GET1: variants seen among roughly 807,000 people sequenced by gnomAD.
The protein encoded by GET1 is guided entry of tail-anchored proteins factor 1.
GET1 carries 20 observed loss-of-function variants against 22.6 expected under a neutral mutation model. The observed-to-expected ratio is 0.89, with a 90% CI of 0.62 to 1.29. The LOEUF (loss-of-function observed/expected upper bound fraction) is 1.29. Ranked by LOEUF, GET1 falls within the 50% of genes most tolerant of loss-of-function variation. The probability of loss-of-function intolerance (pLI) is 0.00; values close to 1 mark genes in which losing one functional copy is unlikely to be tolerated. For synonymous variants in GET1, 92 were observed against 83.8 expected, an observed-to-expected ratio of 1.10 and a Z score of -0.53; for missense variants, 209 against 219.9, an observed-to-expected ratio of 0.95 and a Z score of 0.31.
At chr21:39,389,833 GC>G (rs2038177032) in intron 1 of GET1, among the ~76,000 whole-genome samples, 1 of 152,140 alleles carries the variant, frequency 6.6e-6, no homozygotes, top group African/African-American at 2.4e-5. Flanking sequence ...ACCTTGCTCT[GC>G]CCCGTCTAAT....
At chr21:39,406,153 G>A in exon 5 of GET1, 1 of 1,614,222 alleles carries the variant, frequency 6.2e-7, no homozygotes. Flanking sequence ...TATTCTGGAA[G>A]ACTTACCAAA....
intron 1 of GET1, chr21:39,423,591 C>G (rs1465143811): frequency 4.4e-6 from 4 of 910,576 alleles, no homozygotes; most frequent in Non-Finnish European, 6.4e-6. Flanking sequence ...GCACACACAC[C>G]ACACACATAC....
intron 1 of GET1, among the ~76,000 whole-genome samples, chr21:39,414,730 C>CTGTGTGTGTGTGTGTGTGTGTG (rs1194589760): frequency 8.8e-6 from 1 of 113,496 alleles, no homozygotes; most frequent in African/African-American, 3.8e-5. Flanking sequence ...CTCTCTCTCT[C>CTGTGTGTGTGTGTGTGTGTGTG]TCTCTCTCTC....
chr21:39,390,411 G>A (rs1437963812), intron 1 of GET1, among the ~76,000 whole-genome samples: 1 of 152,204 alleles, frequency 6.6e-6, no homozygotes, highest in Non-Finnish European at 1.5e-5. Flanking sequence ...CCACCCGGGG[G>A]TTGGGGTATG....
At chr21:39,410,389 T>G (rs1250595051), downstream of GET1, 1 of 1,245,910 alleles carries the variant, frequency 8.0e-7, no homozygotes, top group Non-Finnish European at 1.1e-6. Context: ...GTAGATTATA[T>G]GTAAGAAACA....
At chr21:39,423,090 G>A (rs375446508) in intron 1 of GET1, 1 of 1,613,842 alleles carries the variant, frequency 6.2e-7, no homozygotes, top group African/African-American at 1.3e-5. Flanking sequence ...GTGCCTGCAA[G>A]ATATCTTTAG....
At chr21:39,405,503 G>C (rs910632815) in intron 4 of GET1, among the ~76,000 whole-genome samples, 1 of 152,098 alleles carries the variant, frequency 6.6e-6, no homozygotes, top group African/African-American at 2.4e-5. Context: ...CTGCTTCCAT[G>C]TTTTTAAGTT....
chr21:39,416,785 A>G (rs1024694173), intron 1 of GET1, among the ~76,000 whole-genome samples: 3 of 152,168 alleles, frequency 2.0e-5, no homozygotes, highest in Admixed American at 1.3e-4. Context: ...ATTACCAACT[A>G]TATCATTACT....
intron 1 of GET1, chr21:39,421,602 C>A (rs2073781088): frequency 6.6e-6 from 1 of 152,118 alleles, no homozygotes; most frequent in African/African-American, 2.4e-5. Flanking sequence ...TATTGGAGAA[C>A]TGTTAGATCT....
At chr21:39,393,052 G>GA in intron 3 of GET1, 114 bp from the exon 4 acceptor site, 1 of 805,372 alleles carries the variant, frequency 1.2e-6, no homozygotes, top group Non-Finnish European at 2.0e-6. Flanking sequence ...TAGGCTTGAG[G>GA]TGCTCAGTCT....
At chr21:39,420,185 CAT>C (rs2042044718) in intron 1 of GET1, among the ~76,000 whole-genome samples, 2 of 151,996 alleles carry the variant, frequency 1.3e-5, no homozygotes, top group South Asian at 4.1e-4. Context: ...TTTGTCTGTT[CAT>C]ATGATTGTAG....
At chr21:39,390,069 G>C (rs984937184) in intron 1 of GET1, among the ~76,000 whole-genome samples, 35 of 137,404 alleles carry the variant, frequency 2.5e-4, no homozygotes, top group Non-Finnish European at 4.6e-4. Context: ...TTTTGTGGTC[G>C]TTATAGGGAG....
At chr21:39,415,114 C>A (rs879474186) in intron 1 of GET1, among the ~76,000 whole-genome samples, 1 of 152,050 alleles carries the variant, frequency 6.6e-6, no homozygotes, top group Non-Finnish European at 1.5e-5. Flanking sequence ...GTTGCCTTGG[C>A]TGGTCTTGAC....
Position 39,397,448 on chromosome 21 carries a change from T to TC in GET1, c.*510dup. ...ACTAATTGACATTGCGTGGGCTTTT[T>TC]CTCCCTTTGTTTAAAATGTCATTTG... On this transcript the variant is annotated 3_prime_UTR_variant, in exon 5 of 5. Transcript: ENST00000649170. 1.9e-5 allele frequency: 3 copies of TC among 153,870 alleles called. 1 individual carries two copies. In the East Asian group the frequency reaches 5.8e-4, roughly 30 times the overall value. The allele number at this position is 153,870 out of a possible 1,614,324, so 9.5% of individuals were successfully genotyped here.
chr21:39,392,197 C>T (rs1203038748), intron 3 of GET1, among the ~76,000 whole-genome samples: 2 of 152,152 alleles, frequency 1.3e-5, no homozygotes, highest in Non-Finnish European at 2.9e-5. Context: ...TTGGCCCTTA[C>T]TTGTTACCTG....
intron 1 of GET1, chr21:39,422,826 C>G: frequency 1.4e-6 from 1 of 724,816 alleles, no homozygotes; most frequent in South Asian, 1.9e-5. Flanking sequence ...TTTCTGTGCC[C>G]TCTATTAGAC....
chr21:39,421,480 T>G (rs2073762110), intron 1 of GET1: 1 of 152,212 alleles, frequency 6.6e-6, no homozygotes, highest in Admixed American at 6.5e-5. Context: ...TAAAAGGGAC[T>G]CAAACCACCA....
chr21:39,424,636 A>G (rs2074332404), intron 1 of GET1, among the ~76,000 whole-genome samples: 1 of 152,370 alleles, frequency 6.6e-6, no homozygotes. Flanking sequence ...AATCCAATGT[A>G]AAGAACTTAT....
chr21:39,380,372 A>C lies in GET1; in HGVS notation c.-13A>C, dbSNP rs367655852. 1 of 1,592,408 alleles carries C rather than the reference A, an allele frequency of 6.3e-7. No individual in the cohort carries two copies. Among genetic ancestry groups the C allele is most frequent in the East Asian group, 2.3e-5 (1 of 43,896 alleles). ...CTGCCGTAGCGGACCCAGCACAGCC[A>C]GGAGCGTCCGGGATGAGCTCAGCCG... On this transcript the variant is annotated 5_prime_UTR_variant, in exon 1 of 5. Coordinates refer to ENST00000649170, the MANE Select transcript of GET1 (RefSeq NM_004627.6).
Sources: allele counts gnomAD v4.1 joint callset (sites outside exome capture counted in the v4.1 genomes callset), GRCh38; gene constraint gnomAD v4.1.1; transcripts MANE v1.5; gene names NCBI Gene and HGNC (gene_info 2026-07-23, HGNC 2026-07-21).